Variants in TMEM50A observed in about 807,000 individuals in gnomAD.
The protein encoded by TMEM50A is transmembrane protein 50A.
In TMEM50A, 8 loss-of-function variants were observed where a neutral mutation model predicts 23.9. That is an observed-to-expected ratio of 0.33 (90% CI 0.20 to 0.60). The LOEUF (loss-of-function observed/expected upper bound fraction) is 0.60, where lower values mean the gene tolerates loss of function less well. Ranked by LOEUF, TMEM50A falls within the 20% of genes least tolerant of loss-of-function variation. TMEM50A has a pLI of 0.81. For missense variants in TMEM50A, 178 were observed against 192.7 expected (o/e 0.92, Z 0.45); for synonymous variants, 55 against 60.4 (o/e 0.91, Z 0.41).
rs1232002218 is a variant in TMEM50A at position 25,352,763 on chromosome 1, C to T, written c.275-119C>T. 8 of 796,364 alleles carry T rather than the reference C, an allele frequency of 1.0e-5. No homozygotes were observed. The Admixed American group carries it at 1.5e-4, about 15-fold the overall frequency. 49.3% of individuals were successfully genotyped at this position (796,364 alleles called of 1,614,324 possible). A position where few individuals can be genotyped will look rare whatever the true frequency, so the allele number is the denominator to read the frequency against. On this transcript the variant is annotated intron_variant, in intron 4 of 6. Coordinates refer to ENST00000374358, the MANE Select transcript of TMEM50A (RefSeq NM_014313.4). ...TTTAACACATCCTTTACTGTTCTCA[C>T]GTTAGACTTTAATGGCAGTTGCACT...
At chr1:25,356,103 C>G (rs748430984) in intron 5 of TMEM50A, among the ~76,000 whole-genome samples, 18 of 152,342 alleles carry the variant, frequency 1.2e-4, no homozygotes, top group Admixed American at 2.6e-4. Flanking sequence ...TGTTTCCTCT[C>G]TTGCCTCCTT....
chr1:25,346,836 T>C (rs757310075), intron 3 of TMEM50A, among the ~76,000 whole-genome samples: 6 of 152,074 alleles, frequency 3.9e-5, no homozygotes, highest in Non-Finnish European at 7.4e-5. Flanking sequence ...CTGGCCAACA[T>C]GGTGAAACCC....
intron 3 of TMEM50A, among the ~76,000 whole-genome samples, chr1:25,351,160 G>A (rs1218133469): frequency 3.7e-5 from 5 of 135,648 alleles, no homozygotes; most frequent in Admixed American, 3.0e-4. Flanking sequence ...GCGAGACTCC[G>A]TCTCAAAAAA....
chr1:25,342,335 G>A, intron 2 of TMEM50A, among the ~76,000 whole-genome samples: 2 of 152,224 alleles, frequency 1.3e-5, no homozygotes, highest in East Asian at 3.9e-4. Context: ...GATAAAAACT[G>A]TTTTTGAAGT....
At chr1:25,351,834 T>C in intron 4 of TMEM50A, 141 bp downstream of exon 4, 2 of 740,764 alleles carry the variant, frequency 2.7e-6, no homozygotes, top group Non-Finnish European at 4.2e-6. Flanking sequence ...TTTTATGTTT[T>C]GGGCTTGAAA....
intron 3 of TMEM50A, among the ~76,000 whole-genome samples, chr1:25,343,492 A>C (rs894286339): frequency 3.9e-4 from 59 of 152,336 alleles, no homozygotes; most frequent in African/African-American, 1.2e-3. Flanking sequence ...AAAGGAGAAA[A>C]AATAGAGAAA....
At position 25,360,569 on chromosome 1, in the gene TMEM50A, C is replaced by A. The variant is rs1361339477; in HGVS notation, c.429-91C>A. The A allele has an allele frequency of 3.5e-6, 5 of 1,419,716 alleles. No individual in the cohort carries two copies. The East Asian group carries it at 6.8e-5, about 19-fold the overall frequency. 87.9% of individuals were successfully genotyped at this position (1,419,716 alleles called of 1,614,324 possible). ...TTTCTTCTACAACTCATCAATTATT[C>A]TTCGTTGTTTGTTTCACACCATTCT... On this transcript the variant is annotated intron_variant, in intron 6 of 6. Coordinates refer to ENST00000374358, the MANE Select transcript of TMEM50A (RefSeq NM_014313.4).
rs190147688 is a variant in TMEM50A at position 25,360,048 on chromosome 1, T to C, written c.429-612T>C. Among the ~76,000 whole-genome samples, 11 of 152,246 alleles carry C rather than the reference T, an allele frequency of 7.2e-5. No individual in the cohort carries two copies. In the East Asian group the frequency reaches 1.4e-3, roughly 19 times the overall value. ...ACCAAAACAGTTTGTTGAATGAATT[T>C]GATAAAATCAGACGTATAGGGCTGG... On this transcript the variant is annotated intron_variant, in intron 6 of 6. Transcript: ENST00000374358.
At chr1:25,338,543 G>T (rs1645127043) in intron 1 of TMEM50A, 87 bp downstream of exon 1, 1 of 152,522 alleles carries the variant, frequency 6.6e-6, no homozygotes, top group African/African-American at 2.4e-5. Flanking sequence ...ACGGGCTGGT[G>T]CCCACAGCAC....
rs552478416 is a variant in TMEM50A, at chr1:25,354,858, G to A, written c.367+1884G>A. On this transcript the variant is annotated intron_variant, in intron 5 of 6. Transcript: ENST00000374358. ...GCGATCTCAGCTCACTGCAACCTCC[G>A]TCTCCCAGGTTCAAGCAATTCTTCT... 5.9e-5 allele frequency among the ~76,000 whole-genome samples: 9 copies of A among 151,760 alleles called. No homozygotes were observed. The South Asian group carries it at 8.3e-4, about 14-fold the overall frequency.
At chr1:25,350,199 CA>C (rs1335377298) in intron 3 of TMEM50A, among the ~76,000 whole-genome samples, 1 of 152,088 alleles carries the variant, frequency 6.6e-6, no homozygotes, top group African/African-American at 2.4e-5. Context: ...AAAATTACTA[CA>C]AAAAAATTTA....
rs947577978 is a variant in TMEM50A, at chr1:25,360,976, AAAG to A, written c.*274_*276del. 2.9e-6 allele frequency: 1 copy of A among 348,470 alleles called. No homozygotes were observed. The highest frequency in any genetic ancestry group is 4.4e-5 in the Admixed American group (1 of 22,982). 21.6% of individuals were successfully genotyped at this position (348,470 alleles called of 1,614,324 possible). ...ATCATGGTATAATTTGTAAAAATAA[AAAG>A]AAATTACAAAAGAAATTATGGATTT... is the stretch of plus-strand genomic sequence containing the variant. On this transcript the variant is annotated 3_prime_UTR_variant, in exon 7 of 7. Coordinates refer to ENST00000374358, the MANE Select transcript of TMEM50A (RefSeq NM_014313.4).
intron 3 of TMEM50A, among the ~76,000 whole-genome samples, chr1:25,347,438 G>T (rs1645230716): frequency 6.6e-6 from 1 of 152,076 alleles, no homozygotes; most frequent in African/African-American, 2.4e-5. Context: ...GTTTCACCAT[G>T]TTGGCCAGGC....
At chr1:25,353,572 C>G (rs1328040988) in intron 5 of TMEM50A, among the ~76,000 whole-genome samples, 2 of 152,198 alleles carry the variant, frequency 1.3e-5, no homozygotes, top group Non-Finnish European at 2.9e-5. Flanking sequence ...TCTAACATCC[C>G]AGAATTGAGA....
At chr1:25,353,072 G>C in intron 5 of TMEM50A, 98 bp downstream of exon 5, 2 of 1,008,134 alleles carry the variant, frequency 2.0e-6, no homozygotes, top group Non-Finnish European at 1.5e-6. Flanking sequence ...CTATAGTTGG[G>C]CCAACTACTA....
intron 4 of TMEM50A, 119 bp from the exon 5 acceptor site, chr1:25,352,763 C>A: frequency 1.3e-6 from 1 of 796,398 alleles, no homozygotes; most frequent in Non-Finnish European, 2.0e-6. Flanking sequence ...ACTGTTCTCA[C>A]GTTAGACTTT....
rs1270359851 is a variant in TMEM50A at position 25,356,853 on chromosome 1, G to A, written c.428G>A (p.Gly143Glu). 1 of 1,574,882 alleles carries A rather than the reference G, an allele frequency of 6.3e-7. No individual in the cohort carries two copies. Among genetic ancestry groups the A allele is most frequent in the African/African-American group, 1.4e-5 (1 of 72,440 alleles). Residue 143 changes from glycine (G) to glutamate (E), a missense_variant and splice_region_variant, in exon 6 of 7, where the codon GGA (glycine) becomes GAA (glutamate). Transcript: ENST00000374358. ...TTCCAGAATGCCTTCATCTTTTTTG[G>A]GTAAGTTTGTTTTGCATTCTTTATG... ...VFFQNAFIFFGGLVFKFGRTE... is the reference protein window; with the variant it reads ...VFFQNAFIFFEGLVFKFGRTE...
In TMEM50A at chr1:25,361,862, T is replaced by C. The variant is rs1429679627; in HGVS notation, c.*1157T>C. On this transcript the variant is annotated 3_prime_UTR_variant, in exon 7 of 7. Transcript: ENST00000374358. ...TCATCCCACATGAACTCCTGATGTT[T>C]TTTCTACAAAAGTCCATAAAATGTG... 6.4e-6 allele frequency: 1 copy of C among 156,896 alleles called. No homozygotes were observed. Among genetic ancestry groups the C allele is most frequent in the East Asian group, 1.9e-4 (1 of 5,378 alleles). 9.7% of individuals were successfully genotyped at this position (156,896 alleles called of 1,614,324 possible).
At chr1:25,339,996 G>A (rs1482896576) in intron 1 of TMEM50A, among the ~76,000 whole-genome samples, 1 of 152,090 alleles carries the variant, frequency 6.6e-6, no homozygotes, top group Non-Finnish European at 1.5e-5. Flanking sequence ...GAGTGCAGTG[G>A]CACGATCTCG....
Sources: allele counts gnomAD v4.1 joint callset (sites outside exome capture counted in the v4.1 genomes callset), GRCh38; gene constraint gnomAD v4.1.1; transcripts MANE v1.5; gene names NCBI Gene and HGNC (gene_info 2026-07-23, HGNC 2026-07-21).